MITF: variants seen among roughly 807,000 people sequenced by gnomAD.
MITF encodes the protein microphthalmia-associated transcription factor.
MITF carries 17 observed loss-of-function variants against 60.5 expected under a neutral mutation model. The ratio of observed to expected loss-of-function variants is 0.28; its 90% CI spans 0.19 to 0.42. MITF has a LOEUF of 0.42. MITF is among the 10% of genes least tolerant of loss of function. The pLI, the probability that MITF is intolerant of heterozygous loss-of-function variation, is 1.00. For synonymous variants in MITF, 260 were observed against 248.5 expected, an observed-to-expected ratio of 1.05 and a Z score of -0.43; for missense variants, 622 against 683.5, an observed-to-expected ratio of 0.91 and a Z score of 1.00.
intron 1 of MITF, among the ~76,000 whole-genome samples, chr3:69,784,131 A>G (rs2062611206): frequency 6.6e-6 from 1 of 152,174 alleles, no homozygotes; most frequent in Non-Finnish European, 1.5e-5. Context: ...TGGTCTGTAT[A>G]AAAGGAGCCA....
At chr3:69,832,182 A>C (rs546999910) in intron 1 of MITF, among the ~76,000 whole-genome samples, 1 of 152,292 alleles carries the variant, frequency 6.6e-6, no homozygotes, top group African/African-American at 2.4e-5. Context: ...GTTCTGTCTC[A>C]GCATCTCTTA....
At chr3:69,913,057 A>G (rs2065258174) in intron 2 of MITF, among the ~76,000 whole-genome samples, 1 of 152,128 alleles carries the variant, frequency 6.6e-6, no homozygotes, top group Admixed American at 6.6e-5. Flanking sequence ...TGTCTAGGAT[A>G]TATTATTATT....
At chr3:69,906,713 A>G (rs965554284) in intron 2 of MITF, among the ~76,000 whole-genome samples, 3 of 152,170 alleles carry the variant, frequency 2.0e-5, no homozygotes, top group Non-Finnish European at 4.4e-5. Flanking sequence ...TCACAAGGCC[A>G]ATTAAACCCT....
chr3:69,851,778 A>G (rs1410376361), intron 1 of MITF, among the ~76,000 whole-genome samples: 1 of 152,188 alleles, frequency 6.6e-6, no homozygotes, highest in Non-Finnish European at 1.5e-5. Context: ...ACGGAAGGTG[A>G]ATTTTAGTGT....
intron 1 of MITF, among the ~76,000 whole-genome samples, chr3:69,794,197 A>G (rs1333223079): frequency 2.0e-5 from 3 of 152,156 alleles, no homozygotes; most frequent in East Asian, 1.9e-4. Flanking sequence ...CACATATTCT[A>G]TAATCTTTTT....
intron 2 of MITF, among the ~76,000 whole-genome samples, chr3:69,896,909 G>T (rs1224499347): frequency 2.0e-5 from 3 of 152,174 alleles, no homozygotes; most frequent in Non-Finnish European, 4.4e-5. Context: ...ACGTATCCCT[G>T]TAGTGGTTTG....
At chr3:69,914,411 C>T (rs780606758) in intron 2 of MITF, among the ~76,000 whole-genome samples, 3 of 152,166 alleles carry the variant, frequency 2.0e-5, no homozygotes, top group Non-Finnish European at 2.9e-5. Flanking sequence ...CATGAGCCAC[C>T]ACACCCAGCC....
intron 1 of MITF, among the ~76,000 whole-genome samples, chr3:69,820,368 C>T (rs7613400): frequency 0.34 from 51,310 of 151,918 alleles, 9,690 homozygotes; most frequent in Non-Finnish European, 0.43. Context: ...TGACTCTTTA[C>T]TCTGGAGTAG....
At chr3:69,920,804 TTTGTC>T (rs1417827763) in intron 2 of MITF, among the ~76,000 whole-genome samples, 1 of 152,194 alleles carries the variant, frequency 6.6e-6, no homozygotes, top group Non-Finnish European at 1.5e-5. Flanking sequence ...CTTTTATCTC[TTTGTC>T]TTGTGTCTTT....
intron 1 of MITF, among the ~76,000 whole-genome samples, chr3:69,873,931 T>C (rs2064294039): frequency 6.6e-6 from 1 of 152,238 alleles, no homozygotes; most frequent in Non-Finnish European, 1.5e-5. Flanking sequence ...ACATTTTTAT[T>C]TGAGATGAAG....
chr3:69,959,151 C>T (rs564281157), intron 8 of MITF, 122 bp from the exon 9 acceptor site: 91 of 1,226,520 alleles, frequency 7.4e-5, no homozygotes, highest in East Asian at 6.9e-4. Context: ...CCTGTTCCCC[C>T]AAAACTATTG....
intron 2 of MITF, among the ~76,000 whole-genome samples, chr3:69,899,700 C>G (rs2064955482): frequency 6.6e-6 from 1 of 152,090 alleles, no homozygotes; most frequent in Admixed American, 6.5e-5. Flanking sequence ...TCCTAAAACC[C>G]ACTTGGAAAA....
At chr3:69,924,799 G>A (rs889366303) in intron 2 of MITF, among the ~76,000 whole-genome samples, 7 of 152,294 alleles carry the variant, frequency 4.6e-5, no homozygotes, top group South Asian at 2.1e-4. Context: ...AGCTCATTTG[G>A]AAGTATGAGA....
At chr3:69,768,550 T>A (rs1575685279) in intron 1 of MITF, among the ~76,000 whole-genome samples, 1 of 152,246 alleles carries the variant, frequency 6.6e-6, no homozygotes, top group Non-Finnish European at 1.5e-5. Flanking sequence ...CTTCCATACA[T>A]AATTTGGCTT....
At chr3:69,828,099 A>G (rs930320643) in intron 1 of MITF, among the ~76,000 whole-genome samples, 6 of 128,748 alleles carry the variant, frequency 4.7e-5, no homozygotes, top group Non-Finnish European at 1.1e-4. Context: ...GTGCCAGCTA[A>G]TAAGTAAATC....
intron 1 of MITF, among the ~76,000 whole-genome samples, chr3:69,869,240 G>T (rs1227788821): frequency 6.6e-6 from 1 of 152,178 alleles, no homozygotes; most frequent in Non-Finnish European, 1.5e-5. Flanking sequence ...AATAAAACAT[G>T]TAAACATCTC....
chr3:69,786,369 A>G (rs2062649152), intron 1 of MITF, among the ~76,000 whole-genome samples: 1 of 152,204 alleles, frequency 6.6e-6, no homozygotes, highest in Non-Finnish European at 1.5e-5. Context: ...TTGACAGTAA[A>G]TGAGTATGAA....
rs964567917 is a variant in MITF at position 69,739,831 on chromosome 3, G to C, written c.104+130G>C. On this transcript the variant is annotated intron_variant, in intron 1 of 9. Transcript: ENST00000352241. ...CCAGTGCCCTTGCCCCGGAGCAGAG[G>C]GCGAACTGCCCCTCGCAGTTGGGGG... is the stretch of plus-strand genomic sequence containing the variant. The C allele has an allele frequency of 7.2e-6, 5 of 691,124 alleles. No individual in the cohort carries two copies. In the African/African-American group the frequency reaches 8.9e-5, roughly 12 times the overall value. The allele number at this position is 691,124 out of a possible 1,614,324, so 42.8% of individuals were successfully genotyped here.
chr3:69,906,170 A>G (rs1034743060), intron 2 of MITF, among the ~76,000 whole-genome samples: 1 of 152,134 alleles, frequency 6.6e-6, no homozygotes, highest in African/African-American at 2.4e-5. Flanking sequence ...GGTTTTTTGT[A>G]AATATGGATG....
Sources: allele counts gnomAD v4.1 joint callset (sites outside exome capture counted in the v4.1 genomes callset), GRCh38; gene constraint gnomAD v4.1.1; transcripts MANE v1.5; gene names NCBI Gene and HGNC (gene_info 2026-07-23, HGNC 2026-07-21).